The following FAM227B variants were observed in gnomAD, a reference collection of about 807,000 sequenced individuals.
FAM227B encodes the protein family with sequence similarity 227 member B, also known as protein FAM227B.
A neutral mutation model predicts 73.8 loss-of-function variants in FAM227B; 88 were observed. The observed-to-expected ratio is 1.19, with a 90% CI of 1.00 to 1.42. The LOEUF (loss-of-function observed/expected upper bound fraction) is 1.42, where lower values mean the gene tolerates loss of function less well. Ranked by LOEUF, FAM227B falls within the 40% of genes most tolerant of loss-of-function variation. The pLI, the probability that FAM227B is intolerant of heterozygous loss-of-function variation, is 0.00. For synonymous variants in FAM227B, 210 were observed against 190.5 expected (o/e 1.10, Z -0.84); for missense variants, 632 against 590.9 (o/e 1.07, Z -0.72).
intron 9 of FAM227B, among the ~76,000 whole-genome samples, chr15:49,546,008 G>C (rs2071806937): frequency 6.6e-6 from 1 of 150,848 alleles, no homozygotes; most frequent in African/African-American, 2.4e-5. Flanking sequence ...TGCACAACGT[G>C]CAGGTTTGTT....
chr15:49,538,055 G>C (rs1306396561), intron 10 of FAM227B, among the ~76,000 whole-genome samples: 1 of 151,980 alleles, frequency 6.6e-6, no homozygotes, highest in Admixed American at 6.6e-5. Flanking sequence ...AAAGAATCAC[G>C]GACAGAAAAT....
In FAM227B at chr15:49,328,486, G is replaced by C; in HGVS notation, c.*82C>G. The C allele has an allele frequency of 6.4e-7, 1 of 1,562,330 alleles. No individual in the cohort carries two copies. ...AATACTGATTACATGGATTGGACTT[G>C]AATTAAATATATTGTTACAATTAAA... is the stretch of plus-strand genomic sequence containing the variant. On this transcript the variant is annotated 3_prime_UTR_variant, in exon 16 of 16. Coordinates refer to ENST00000299338, the MANE Select transcript of FAM227B (RefSeq NM_152647.3).
chr15:49,607,242 C>T (rs948788911), intron 3 of FAM227B, among the ~76,000 whole-genome samples: 1 of 152,006 alleles, frequency 6.6e-6, no homozygotes, highest in Non-Finnish European at 1.5e-5. Flanking sequence ...CAAAAAGGTC[C>T]CCCTGTCATT....
At chr15:49,450,248 TG>T (rs1409936186) in intron 11 of FAM227B, among the ~76,000 whole-genome samples, 1 of 152,104 alleles carries the variant, frequency 6.6e-6, no homozygotes, top group African/African-American at 2.4e-5. Context: ...TGATGAAGTG[TG>T]TTCATTTCCC....
At chr15:49,414,979 G>C (rs2049114535) in intron 11 of FAM227B, among the ~76,000 whole-genome samples, 1 of 152,110 alleles carries the variant, frequency 6.6e-6, no homozygotes, top group Non-Finnish European at 1.5e-5. Context: ...AATTTTTACT[G>C]AATACTTGGC....
At chr15:49,573,545 T>C (rs1399616748) in intron 8 of FAM227B, among the ~76,000 whole-genome samples, 1 of 152,200 alleles carries the variant, frequency 6.6e-6, no homozygotes, top group African/African-American at 2.4e-5. Flanking sequence ...TATGCCATTA[T>C]CACAGAAGTG....
intron 15 of FAM227B, chr15:49,331,223 C>CGTA (rs1245486864): frequency 1.3e-5 from 2 of 152,764 alleles, no homozygotes; most frequent in Non-Finnish European, 2.9e-5. Flanking sequence ...GTACACTAGT[C>CGTA]TCTACATGTT....
intron 10 of FAM227B, among the ~76,000 whole-genome samples, chr15:49,534,307 A>G (rs989375522): frequency 6.6e-6 from 1 of 151,898 alleles, no homozygotes. Flanking sequence ...TTCCACATGA[A>G]TTTGGCAAGA....
intron 3 of FAM227B, among the ~76,000 whole-genome samples, chr15:49,609,096 T>C (rs2077716947): frequency 6.6e-6 from 1 of 151,830 alleles, no homozygotes. Context: ...TGAACGGAAG[T>C]AACTAAATGA....
chr15:49,385,195 A>T (rs2046804261), intron 11 of FAM227B, among the ~76,000 whole-genome samples: 1 of 151,874 alleles, frequency 6.6e-6, no homozygotes, highest in Non-Finnish European at 1.5e-5. Context: ...CTCCATCTTG[A>T]CCAATTGTTT....
chr15:49,484,191 G>A, intron 11 of FAM227B: 1 of 632,498 alleles, frequency 1.6e-6, no homozygotes, highest in South Asian at 2.0e-5. Context: ...CTCAATCTGA[G>A]GGTTAAAAAA....
chr15:49,471,941 G>C (rs969418659), intron 11 of FAM227B, among the ~76,000 whole-genome samples: 1 of 151,798 alleles, frequency 6.6e-6, no homozygotes, highest in African/African-American at 2.4e-5. Flanking sequence ...GTGAAGTTCT[G>C]GATAAGAAAG....
chr15:49,433,697 G>A (rs1374676494), intron 11 of FAM227B, among the ~76,000 whole-genome samples: 1 of 151,568 alleles, frequency 6.6e-6, no homozygotes, highest in African/African-American at 2.4e-5. Context: ...AGCAGACACA[G>A]TTACCACTGG....
intron 11 of FAM227B, among the ~76,000 whole-genome samples, chr15:49,375,470 G>C (rs1431800616): frequency 1.3e-5 from 2 of 151,520 alleles, no homozygotes; most frequent in South Asian, 4.2e-4. Context: ...AGTTATAGAT[G>C]CAAGACACAA....
chr15:49,426,111 G>A (rs1213162344), intron 11 of FAM227B, among the ~76,000 whole-genome samples: 1 of 151,590 alleles, frequency 6.6e-6, no homozygotes, highest in Non-Finnish European at 1.5e-5. Context: ...TAAAAATTAT[G>A]ACACATGGGG....
chr15:49,516,676 C>G (rs1422302707), intron 10 of FAM227B, among the ~76,000 whole-genome samples: 4 of 151,980 alleles, frequency 2.6e-5, no homozygotes, highest in Non-Finnish European at 4.4e-5. Flanking sequence ...GCCAGTTATA[C>G]AAAACCTTAA....
At chr15:49,604,945 T>C (rs1021395737) in intron 3 of FAM227B, among the ~76,000 whole-genome samples, 1 of 151,926 alleles carries the variant, frequency 6.6e-6, no homozygotes, top group African/African-American at 2.4e-5. Flanking sequence ...TTTGTTCCTT[T>C]ATTGTTTTCC....
intron 13 of FAM227B, among the ~76,000 whole-genome samples, chr15:49,364,934 C>T (rs182929560): frequency 6.6e-6 from 1 of 151,948 alleles, no homozygotes; most frequent in Admixed American, 6.6e-5. Flanking sequence ...AATGTGAAGG[C>T]ACAACTTTAA....
chr15:49,392,913 A>G (rs16962419), intron 11 of FAM227B, among the ~76,000 whole-genome samples: 9,958 of 152,092 alleles, frequency 0.065, 471 homozygotes, highest in East Asian at 0.18. Context: ...TGGAAGAGAG[A>G]ATTTTGAAAT....
Sources: gnomAD v4.1 joint callset for allele counts (sites outside exome capture counted in the v4.1 genomes callset) on GRCh38, gnomAD v4.1.1 for gene constraint, MANE v1.5 for transcripts, NCBI Gene and HGNC (gene_info 2026-07-23, HGNC 2026-07-21) for gene names.